RLF: variants seen among roughly 807,000 people sequenced by gnomAD.
RLF encodes RLF zinc finger, also known as zinc finger protein Rlf.
In RLF, 7 loss-of-function variants were observed where a neutral mutation model predicts 162.9. That is an observed-to-expected ratio of 0.04 (90% CI 0.02 to 0.08). The LOEUF (loss-of-function observed/expected upper bound fraction) is 0.08. Among genes scored for constraint, RLF ranks in the 10% least tolerant of loss-of-function variants. The pLI, the probability that RLF is intolerant of heterozygous loss-of-function variation, is 1.00. For synonymous variants in RLF, 782 were observed against 791.5 expected (o/e 0.99, Z 0.20); for missense variants, 1,664 against 2,244.7 (o/e 0.74, Z 5.23).
At chr1:40,198,095 C>T (rs987997995) in intron 4 of RLF, among the ~76,000 whole-genome samples, 13 of 151,988 alleles carry the variant, frequency 8.6e-5, no homozygotes, top group South Asian at 4.2e-4. Context: ...CCTCTGCCTC[C>T]GGGGTTTAAG....
At position 40,239,075 on chromosome 1, in the gene RLF, G is replaced by A. The variant is rs1282334655; in HGVS notation, c.4373G>A (p.Arg1458His). 11 of 1,614,004 alleles carry A rather than the reference G, an allele frequency of 6.8e-6. No individual in the cohort carries two copies. Among genetic ancestry groups the A allele is most frequent in the South Asian group, 2.2e-5 (2 of 91,088 alleles). The change falls in exon 8 of 8, where the codon CGC (arginine) becomes CAC (histidine). Residue 1458 changes from arginine (R) to histidine (H), a missense_variant. This residue lies in a region of RLF where 200 missense variants were observed against 207.3 expected (regional missense o/e 0.96). Transcript: ENST00000372771. Reference sequence around the variant, plus strand: ...GGCTGTGGCCAGATTTTCACCCATCGCAGTAATTACTCACAACATGTATAT... The same window carrying A: ...GGCTGTGGCCAGATTTTCACCCATCACAGTAATTACTCACAACATGTATAT... ...LNGCGQIFTH[R>H]SNYSQHVYYR...
intron 1 of RLF, among the ~76,000 whole-genome samples, chr1:40,179,604 A>C (rs1028965071): frequency 6.7e-6 from 1 of 150,172 alleles, no homozygotes; most frequent in South Asian, 2.1e-4. Context: ...AGAATTTGCC[A>C]TCTTAACCAT....
At chr1:40,186,887 G>A (rs1218053601) in intron 1 of RLF, among the ~76,000 whole-genome samples, 1 of 152,146 alleles carries the variant, frequency 6.6e-6, no homozygotes, top group African/African-American at 2.4e-5. Context: ...CATAATGTCT[G>A]ACTTTAAGGA....
At chr1:40,218,435 A>G (rs1642953635) in intron 5 of RLF, among the ~76,000 whole-genome samples, 1 of 152,104 alleles carries the variant, frequency 6.6e-6, no homozygotes, top group African/African-American at 2.4e-5. Flanking sequence ...CCAGTGTATG[A>G]TTTAGCTCTA....
At chr1:40,204,156 C>T (rs769665623) in intron 5 of RLF, among the ~76,000 whole-genome samples, 24 of 151,390 alleles carry the variant, frequency 1.6e-4, no homozygotes, top group Non-Finnish European at 3.1e-4. Flanking sequence ...GCTGGGATTA[C>T]AGTCGCCCAC....
At chr1:40,219,271 G>C (rs186196554) in intron 5 of RLF, among the ~76,000 whole-genome samples, 71 of 151,884 alleles carry the variant, frequency 4.7e-4, no homozygotes, top group African/African-American at 1.7e-3. Flanking sequence ...CAGGTATTTG[G>C]GGCATAATAC....
chr1:40,163,823 A>G (rs1451187233), intron 1 of RLF, among the ~76,000 whole-genome samples: 1 of 152,218 alleles, frequency 6.6e-6, no homozygotes, highest in Non-Finnish European at 1.5e-5. Context: ...TGCTTTATAC[A>G]ATCAGAATAG....
chr1:40,195,564 A>T (rs867393452), intron 3 of RLF, 68 bp from the exon 4 acceptor site: 3 of 1,324,768 alleles, frequency 2.3e-6, no homozygotes, highest in Middle Eastern at 1.9e-4. Context: ...TGTATCAGAT[A>T]TGTTGAAAAG....
At chr1:40,224,747 G>T (rs1453582723) in intron 6 of RLF, among the ~76,000 whole-genome samples, 3 of 146,398 alleles carry the variant, frequency 2.0e-5, no homozygotes, top group Admixed American at 1.4e-4. Flanking sequence ...AGCACTTTGG[G>T]AGGCCAAGGT....
At chr1:40,214,026 T>G (rs1417229376) in intron 5 of RLF, among the ~76,000 whole-genome samples, 3 of 152,254 alleles carry the variant, frequency 2.0e-5, no homozygotes, top group African/African-American at 7.2e-5. Context: ...AATCTTGCCT[T>G]TTCCTAATTT....
chr1:40,223,906 A>G (rs374159211), intron 6 of RLF, among the ~76,000 whole-genome samples: 1 of 152,254 alleles, frequency 6.6e-6, no homozygotes, highest in Non-Finnish European at 1.5e-5. Context: ...CCAAAATTCA[A>G]ATTGTAGTTT....
Position 40,201,048 on chromosome 1 carries a change from C to T in RLF, c.608-1364C>T, listed in dbSNP as rs180937054. On this transcript the variant is annotated intron_variant, in intron 4 of 7. Coordinates refer to ENST00000372771, the MANE Select transcript of RLF (RefSeq NM_012421.4). ...ACACACACAAACACACACACCCCCCCCACACCTCACACACACACACACCCC... is the reference window on the plus strand; with the variant it reads ...ACACACACAAACACACACACCCCCCTCACACCTCACACACACACACACCCC... 1.6e-3 allele frequency among the ~76,000 whole-genome samples: 61 copies of T among 37,508 alleles called. 9 individuals carry two copies. The highest frequency in any genetic ancestry group is 6.8e-3 in the African/African-American group (57 of 8,336). 24.6% of individuals were successfully genotyped at this position (37,508 alleles called of 152,430 possible).
chr1:40,204,034 C>CTTT (rs60379541), intron 5 of RLF, among the ~76,000 whole-genome samples: 2 of 135,182 alleles, frequency 1.5e-5, no homozygotes, highest in African/African-American at 2.8e-5. Flanking sequence ...GGTCCTCTCT[C>CTTT]TTTTTTTTTT....
intron 1 of RLF, among the ~76,000 whole-genome samples, chr1:40,176,654 ATTGGTCTCAAACTT>A (rs1444717366): frequency 3.9e-5 from 6 of 151,958 alleles, no homozygotes; most frequent in African/African-American, 1.5e-4. Context: ...CATTGCCCAG[ATTGGTCTCAAACTT>A]TTGGTCTCAA....
At chr1:40,172,298 T>G (rs1277989369) in intron 1 of RLF, among the ~76,000 whole-genome samples, 1 of 152,220 alleles carries the variant, frequency 6.6e-6, no homozygotes, top group Non-Finnish European at 1.5e-5. Flanking sequence ...TGTGTGTCCT[T>G]AAAAACACAA....
chr1:40,193,463 G>A (rs1244410711), intron 3 of RLF, among the ~76,000 whole-genome samples: 1 of 152,046 alleles, frequency 6.6e-6, no homozygotes, highest in African/African-American at 2.4e-5. Context: ...ATGGTGGGTG[G>A]TAGTATTTTC....
chr1:40,184,840 G>A (rs1490662458), intron 1 of RLF, among the ~76,000 whole-genome samples: 2 of 152,166 alleles, frequency 1.3e-5, no homozygotes, highest in South Asian at 2.1e-4. Flanking sequence ...AAACAAAAGA[G>A]AGAGGTCATT....
intron 5 of RLF, among the ~76,000 whole-genome samples, chr1:40,207,650 G>A (rs865969395): frequency 6.6e-6 from 1 of 151,940 alleles, no homozygotes; most frequent in South Asian, 2.1e-4. Flanking sequence ...AGTCTCTGTC[G>A]CCCAGCCTGG....
chr1:40,176,524 C>T (rs1275161281), intron 1 of RLF, among the ~76,000 whole-genome samples: 3 of 152,250 alleles, frequency 2.0e-5, no homozygotes, highest in Non-Finnish European at 4.4e-5. Context: ...ACTGCAGCCT[C>T]TGCCTCCCAG....
Sources: gnomAD v4.1 joint callset for allele counts (sites outside exome capture counted in the v4.1 genomes callset) on GRCh38, gnomAD v4.1.1 for gene constraint, gnomAD v4.1.1 regional missense constraint, MANE v1.5 for transcripts, NCBI Gene and HGNC (gene_info 2026-07-23, HGNC 2026-07-21) for gene names.